TCERG1: variants seen among roughly 807,000 people sequenced by gnomAD.
The protein encoded by TCERG1 is TATA box binding protein (TBP)-associated factor, RNA polymerase II, S, 150kD.
TCERG1 carries 37 observed loss-of-function variants against 144.7 expected under a neutral mutation model. That is an observed-to-expected ratio of 0.26 (90% CI 0.20 to 0.34). TCERG1 has a LOEUF of 0.34. Among genes scored for constraint, TCERG1 ranks in the 10% least tolerant of loss-of-function variants. The pLI is 1.00. For missense variants in TCERG1, 1,027 were observed against 1,380.7 expected (o/e 0.74, Z 4.06); for synonymous variants, 492 against 458.2 (o/e 1.07, Z -0.94).
At chr5:146,464,957 A>G (rs1257785278) in intron 5 of TCERG1, among the ~76,000 whole-genome samples, 2 of 151,938 alleles carry the variant, frequency 1.3e-5, no homozygotes, top group African/African-American at 4.8e-5. Context: ...TTTTTTTTTA[A>G]TTTGGAAAAC....
rs776854088 is a variant in TCERG1, at chr5:146,470,746, G to A, written c.1510G>A (p.Glu504Lys). Residue 504 changes from glutamate (E) to lysine (K), a missense_variant and splice_region_variant, in exon 8 of 23, where the codon GAG becomes AAG. By Grantham distance (56) the Glu-to-Lys change is moderately conservative. This residue lies in a region of TCERG1 where 482 missense variants were observed against 632.6 expected (regional missense o/e 0.76). Coordinates refer to ENST00000679501, the MANE Select transcript of TCERG1 (RefSeq NM_001382548.1). ...PKEEPIKEIK[E>K]EPKEEEMTEE... Reference sequence around the variant, plus strand: ...AGAAGAGCCTATAAAGGAGATAAAGGAGGTAAAGGGCCATGACCTGTTAAC... The same window carrying A: ...AGAAGAGCCTATAAAGGAGATAAAGAAGGTAAAGGGCCATGACCTGTTAAC... The A allele has an allele frequency of 6.2e-7, 1 of 1,605,748 alleles. No homozygotes were observed.
At chr5:146,505,453 C>T (rs958566192) in intron 19 of TCERG1, 1 of 142,916 alleles carries the variant, frequency 7.0e-6, no homozygotes, top group Non-Finnish European at 1.5e-5. Flanking sequence ...TTACCTCCCA[C>T]CTTCATATTT....
At chr5:146,497,405 C>T (rs1412088735) in intron 16 of TCERG1, among the ~76,000 whole-genome samples, 1 of 152,182 alleles carries the variant, frequency 6.6e-6, no homozygotes, top group Non-Finnish European at 1.5e-5. Flanking sequence ...CCTTGCCCTC[C>T]TGACGTGCTG....
At chr5:146,506,866 G>A (rs1315902044) in intron 19 of TCERG1, among the ~76,000 whole-genome samples, 162 bp from the exon 20 acceptor site, 6 of 152,064 alleles carry the variant, frequency 3.9e-5, no homozygotes, top group Admixed American at 2.0e-4. Flanking sequence ...GTACTCCATT[G>A]TGTATATTTA....
At position 146,474,965 on chromosome 5, in the gene TCERG1, G is replaced by A. The variant is rs1449029314; in HGVS notation, c.1601+3389G>A. Among the ~76,000 whole-genome samples the A allele has an allele frequency of 2.6e-5, 4 of 152,068 alleles. No homozygotes were observed. The East Asian group carries it at 5.8e-4, about 22-fold the overall frequency. ...GTCTGGAGCTGAACCCACAATATCC[G>A]AGGTACGCCTGTCTACTTCTTTTTT... On this transcript the variant is annotated intron_variant, in intron 9 of 22. Coordinates refer to ENST00000679501, the MANE Select transcript of TCERG1 (RefSeq NM_001382548.1).
At chr5:146,492,851 C>T in intron 15 of TCERG1, 69 bp from the exon 16 acceptor site, 1 of 1,080,264 alleles carries the variant, frequency 9.3e-7, no homozygotes. Context: ...AAGACATTGT[C>T]CAATAATTTG....
intron 16 of TCERG1, 52 bp downstream of exon 16, chr5:146,493,090 A>G: frequency 7.9e-7 from 1 of 1,266,108 alleles, no homozygotes; most frequent in Non-Finnish European, 1.1e-6. Context: ...TTCTCCTAAG[A>G]TCAGTTTTTA....
At chr5:146,481,293 A>T in intron 13 of TCERG1, 93 bp downstream of exon 13, 1 of 581,162 alleles carries the variant, frequency 1.7e-6, no homozygotes, top group Non-Finnish European at 2.2e-6. Flanking sequence ...TGACATTTTC[A>T]TTTAGTATAG....
intron 19 of TCERG1, among the ~76,000 whole-genome samples, chr5:146,506,122 G>A (rs867816801): frequency 2.0e-5 from 3 of 152,198 alleles, no homozygotes; most frequent in Middle Eastern, 3.4e-3. Flanking sequence ...AAGGGATAAC[G>A]TCTTATTTTG....
chr5:146,452,841 C>T (rs1247788476), intron 1 of TCERG1, among the ~76,000 whole-genome samples: 13 of 152,166 alleles, frequency 8.5e-5, no homozygotes. Flanking sequence ...ATCTGCCTGC[C>T]TTGGCCACCA....
intron 4 of TCERG1, among the ~76,000 whole-genome samples, chr5:146,463,150 C>G (rs1561645801): frequency 6.6e-6 from 1 of 152,168 alleles, no homozygotes; most frequent in Non-Finnish European, 1.5e-5. Context: ...CTTCAATTTT[C>G]TAAACAATTC....
At chr5:146,450,571 A>G (rs1362701472) in intron 1 of TCERG1, among the ~76,000 whole-genome samples, 1 of 152,216 alleles carries the variant, frequency 6.6e-6, no homozygotes, top group Non-Finnish European at 1.5e-5. Context: ...TAGCACTTAC[A>G]TACTAAGCAC....
chr5:146,447,486 T>G (rs1257168981), intron 1 of TCERG1, 78 bp downstream of exon 1: 1 of 1,534,376 alleles, frequency 6.5e-7, no homozygotes, highest in East Asian at 2.5e-5. Flanking sequence ...CATGTGGAGA[T>G]CCGGGGCGGA....
intron 1 of TCERG1, among the ~76,000 whole-genome samples, chr5:146,454,201 A>G (rs1762616189): frequency 7.0e-6 from 1 of 143,062 alleles, no homozygotes; most frequent in Admixed American, 6.9e-5. Context: ...CTTGGTCTCA[A>G]AAAAAAAAAA....
rs764564234 is a variant in TCERG1 at position 146,469,722 on chromosome 5, A to T, written c.1377A>T (p.Lys459Asn). ...NNRTLESTWE[K>N]PQELKEKEKL... is the part of the protein sequence containing the mutation. ...GAACATTAGAATCAACCTGGGAAAA[A>T]CCCCAAGAACTAAAGGAAAAAGGTA... Residue 459 changes from lysine to asparagine, a missense_variant, in exon 7 of 23, where the codon AAA becomes AAT. Physicochemically the swap from Lys to Asn is moderately conservative, Grantham distance 94. Transcript: ENST00000679501. 8 of 1,606,366 alleles carry T rather than the reference A, an allele frequency of 5.0e-6. No homozygotes were observed. The African/African-American group carries it at 1.1e-4, about 22-fold the overall frequency.
Position 146,509,330 on chromosome 5 carries a change from A to G in TCERG1, c.3146+85A>G, listed in dbSNP as rs953577336. ...TGGTCAGAGCATTCTTTGCATTCAC[A>G]CACATGTTGACATTATTAATTTTTA... On this transcript the variant is annotated intron_variant, in intron 22 of 22. Transcript: ENST00000679501. The G allele has an allele frequency of 9.2e-6, 8 of 866,214 alleles. No individual in the cohort carries two copies. The African/African-American group carries it at 1.2e-4, about 13-fold the overall frequency. 53.7% of individuals were successfully genotyped at this position (866,214 alleles called of 1,614,324 possible).
intron 9 of TCERG1, among the ~76,000 whole-genome samples, chr5:146,474,690 G>A (rs2150447043): frequency 6.6e-6 from 1 of 152,290 alleles, no homozygotes; most frequent in African/African-American, 2.4e-5. Context: ...CCAGCCTCAT[G>A]AGTGTTCAGC....
chr5:146,506,381 G>A (rs1222443372), intron 19 of TCERG1, among the ~76,000 whole-genome samples: 1 of 152,110 alleles, frequency 6.6e-6, no homozygotes, highest in Non-Finnish European at 1.5e-5. Context: ...CTTAAAAATT[G>A]TTTTGAGAAG....
rs1260086069 is a variant in TCERG1, at chr5:146,459,198, G to A, written c.753G>A (p.Val251=). The A allele has an allele frequency of 6.2e-7, 1 of 1,614,180 alleles. No homozygotes were observed. Among genetic ancestry groups the A allele is most frequent in the Non-Finnish European group, 8.5e-7 (1 of 1,179,988 alleles). The change falls in exon 4 of 23, where the codon GTG becomes GTA. Residue 251 remains valine (V), a synonymous_variant. Transcript: ENST00000679501. ...AQVQAQVQAQ[V]QAQAVGASTP... ...TCCAGGCCCAGGTCCAGGCACAAGT[G>A]CAAGCACAAGCAGTTGGAGCTTCCA...
Sources: gnomAD v4.1 joint callset for allele counts (sites outside exome capture counted in the v4.1 genomes callset) on GRCh38, gnomAD v4.1.1 for gene constraint, gnomAD v4.1.1 regional missense constraint, MANE v1.5 for transcripts, NCBI Gene and HGNC (gene_info 2026-07-23, HGNC 2026-07-21) for gene names.